CEMIP2: variants seen among roughly 807,000 people sequenced by gnomAD.
CEMIP2 encodes cell migration inducing hyaluronidase 2, also known as cell surface hyaluronidase CEMIP2.
In CEMIP2, 79 loss-of-function variants were observed where a neutral mutation model predicts 146.9. That is an observed-to-expected ratio of 0.54 (90% confidence interval 0.45 to 0.65). The LOEUF (loss-of-function observed/expected upper bound fraction) is 0.65, where lower values mean the gene tolerates loss of function less well. CEMIP2 is among the 30% of genes least tolerant of loss of function. CEMIP2 has a pLI of 0.00. For missense variants in CEMIP2, 1,596 were observed against 1,696.2 expected (o/e 0.94, Z 1.04); for synonymous variants, 601 against 606.3 (o/e 0.99, Z 0.13).
At chr9:71,755,979 A>AAC (rs2132032170) in intron 1 of CEMIP2, among the ~76,000 whole-genome samples, 1 of 113,744 alleles carries the variant, frequency 8.8e-6, no homozygotes. Context: ...AAAAAAAAAA[A>AAC]AAAAAAAAAA....
intron 1 of CEMIP2, among the ~76,000 whole-genome samples, chr9:71,755,948 T>C (rs956810526): frequency 6.1e-5 from 7 of 114,740 alleles, no homozygotes; most frequent in Non-Finnish European, 1.1e-4. Flanking sequence ...TGACAGAGCA[T>C]GACTCTGTCT....
At chr9:71,701,555 G>A (rs1156322029) in intron 18 of CEMIP2, among the ~76,000 whole-genome samples, 2 of 152,176 alleles carry the variant, frequency 1.3e-5, no homozygotes, top group African/African-American at 4.8e-5. Context: ...GAGTGGAACT[G>A]TACATTGGCA....
At chr9:71,755,352 C>T (rs1824400120) in intron 1 of CEMIP2, among the ~76,000 whole-genome samples, 2 of 124,928 alleles carry the variant, frequency 1.6e-5, no homozygotes, top group Admixed American at 8.5e-5. Context: ...TCTCTACACA[C>T]ACACACACAC....
chr9:71,764,480 A>G (rs1372615357), intron 1 of CEMIP2, among the ~76,000 whole-genome samples: 1 of 151,084 alleles, frequency 6.6e-6, no homozygotes, highest in Non-Finnish European at 1.5e-5. Context: ...CTGCTTGGCT[A>G]TTAATTTACT....
chr9:71,755,714 T>C (rs1269234169), intron 1 of CEMIP2, among the ~76,000 whole-genome samples: 1 of 151,708 alleles, frequency 6.6e-6, no homozygotes. Flanking sequence ...CCCAGCACTT[T>C]GAGAGGCTGA....
At position 71,690,122 on chromosome 9, in the gene CEMIP2, T is replaced by C; in HGVS notation, c.3821A>G (p.Glu1274Gly). Residue 1274 changes from glutamate to glycine, a missense_variant, in exon 22 of 24, where the codon GAA (glutamate) becomes GGA (glycine). By Grantham distance (98) the Glu-to-Gly change is moderately conservative (BLOSUM62 -2). Coordinates refer to ENST00000377044, the MANE Select transcript of CEMIP2 (RefSeq NM_013390.3). ...AGGGATGCCTGTTTTTAAATACTCT[T>C]CAATGCGACTGACATCAGCAAGAGG... ...VFPLADVSRI[E>G]EYLKTGIPPR... The C allele has an allele frequency of 1.2e-6, 2 of 1,614,154 alleles. No individual in the cohort carries two copies. The highest frequency in any genetic ancestry group is 1.1e-5 in the South Asian group (1 of 91,086).
At chr9:71,701,798 T>C (rs1461334752) in intron 18 of CEMIP2, among the ~76,000 whole-genome samples, 1 of 152,214 alleles carries the variant, frequency 6.6e-6, no homozygotes, top group Non-Finnish European at 1.5e-5. Flanking sequence ...TTGACCTTTT[T>C]ATTATAGTAA....
At chr9:71,685,902 T>C in intron 22 of CEMIP2, 56 bp from the exon 23 acceptor site, 1 of 1,237,544 alleles carries the variant, frequency 8.1e-7, no homozygotes, top group South Asian at 1.2e-5. Flanking sequence ...CATGAGTATC[T>C]TTCTACTGAG....
intron 11 of CEMIP2, 37 bp downstream of exon 11, chr9:71,725,544 T>G (rs1240696873): frequency 6.2e-7 from 1 of 1,605,426 alleles, no homozygotes; most frequent in East Asian, 2.2e-5. Flanking sequence ...TTACACTGTC[T>G]AGCATATGTA....
chr9:71,695,928 C>T (rs921237737), intron 20 of CEMIP2, among the ~76,000 whole-genome samples: 3 of 151,628 alleles, frequency 2.0e-5, no homozygotes, highest in Non-Finnish European at 2.9e-5. Flanking sequence ...CCAGCCTAGG[C>T]AACATAGTGA....
rs1054019667 is a variant in CEMIP2 at position 71,745,167 on chromosome 9, C to T, written c.885G>A (p.Arg295=). Residue 295 remains arginine (R), a synonymous_variant, in exon 4 of 24, where the codon AGG becomes AGA. Transcript: ENST00000377044. ...FDTHEYRNES[R]RLQEFLRFQD... is the part of the protein sequence containing the mutation. The stretch of plus-strand genomic sequence containing the variant: ...GGAATCTCAGAAACTCCTGAAGCCG[C>T]CTGCTCTCATTGCGGTATTCATGGG... 9.3e-6 allele frequency: 15 copies of T among 1,614,122 alleles called. No homozygotes were observed. The highest frequency in any genetic ancestry group is 1.3e-5 in the Non-Finnish European group (15 of 1,180,008).
intron 22 of CEMIP2, chr9:71,687,241 T>C (rs780158857): frequency 6.6e-6 from 1 of 152,210 alleles, no homozygotes; most frequent in Non-Finnish European, 1.5e-5. Flanking sequence ...GGGACACTAA[T>C]GGAAATGTGT....
rs1822012511 is a variant in CEMIP2 at position 71,685,101 on chromosome 9, G to C, written c.*96C>G. 5 of 1,207,752 alleles carry C rather than the reference G, an allele frequency of 4.1e-6. No homozygotes were observed. In the South Asian group the frequency reaches 9.0e-5, roughly 22 times the overall value. The allele number at this position is 1,207,752 out of a possible 1,614,324, so 74.8% of individuals were successfully genotyped here. On this transcript the variant is annotated 3_prime_UTR_variant, in exon 24 of 24. Coordinates refer to ENST00000377044, the MANE Select transcript of CEMIP2 (RefSeq NM_013390.3). ...CCCATTCTGTATCAAACTGGAAAATGGTTCCGTTGGGTTAACAGTGTCATT... is the reference window on the plus strand; with the variant it reads ...CCCATTCTGTATCAAACTGGAAAATCGTTCCGTTGGGTTAACAGTGTCATT...
At position 71,730,919 on chromosome 9, in the gene CEMIP2, A is replaced by G; in HGVS notation, c.1564-5T>C. The G allele has an allele frequency of 6.2e-7, 1 of 1,612,990 alleles. No individual in the cohort carries two copies. Among genetic ancestry groups the G allele is most frequent in the South Asian group, 1.1e-5 (1 of 91,054 alleles). On this transcript the variant is annotated splice_region_variant and splice_polypyrimidine_tract_variant and intron_variant, in intron 7 of 23. Transcript: ENST00000377044. Reference sequence around the variant, plus strand: ...TGAAGTAAAATTTTTCATTATCTGTAAGTCAAGGTACTAAAATCAAACTCA... The same window carrying G: ...TGAAGTAAAATTTTTCATTATCTGTGAGTCAAGGTACTAAAATCAAACTCA...
chr9:71,698,645 C>A (rs1822469358), intron 19 of CEMIP2, among the ~76,000 whole-genome samples: 1 of 152,208 alleles, frequency 6.6e-6, no homozygotes. Context: ...AAAACAGGAA[C>A]TGTGACTTCT....
At chr9:71,749,405 TAA>T (rs1029512478) in intron 2 of CEMIP2, among the ~76,000 whole-genome samples, 1 of 142,548 alleles carries the variant, frequency 7.0e-6, no homozygotes, top group Non-Finnish European at 1.5e-5. Flanking sequence ...TACGTATGAC[TAA>T]AAAAAAAAAA....
intron 22 of CEMIP2, chr9:71,687,573 A>G (rs1822103838): frequency 6.6e-6 from 1 of 151,844 alleles, no homozygotes; most frequent in African/African-American, 2.4e-5. Context: ...TCATGCCTTT[A>G]ATTTCAGCAC....
chr9:71,746,096 TA>T, intron 3 of CEMIP2, 104 bp downstream of exon 3: 1 of 1,302,312 alleles, frequency 7.7e-7, no homozygotes, highest in Non-Finnish European at 1.0e-6. Flanking sequence ...CACCACAAAC[TA>T]AAGCCTATTC....
intron 10 of CEMIP2, among the ~76,000 whole-genome samples, chr9:71,727,997 G>A (rs1485765628): frequency 6.6e-6 from 1 of 151,732 alleles, no homozygotes; most frequent in African/African-American, 2.4e-5. Context: ...GGAGGCGGAG[G>A]TTGCAGTGAG....
Sources: allele counts gnomAD v4.1 joint callset (sites outside exome capture counted in the v4.1 genomes callset), GRCh38; gene constraint gnomAD v4.1.1; transcripts MANE v1.5; gene names NCBI Gene and HGNC (gene_info 2026-07-23, HGNC 2026-07-21).